Variants in ANKRD30A observed in about 807,000 individuals in gnomAD.
ANKRD30A encodes ankyrin repeat domain-containing protein 30A.
ANKRD30A carries 170 observed loss-of-function variants against 166.3 expected under a neutral mutation model. The observed-to-expected ratio is 1.02, with a 90% CI of 0.90 to 1.16. ANKRD30A has a LOEUF of 1.16. ANKRD30A is among the 50% of genes most tolerant of loss of function. The pLI is 0.00. For missense variants in ANKRD30A, 1,630 were observed against 1,518.0 expected, an observed-to-expected ratio of 1.07 and a Z score of -1.23; for synonymous variants, 564 against 508.9, an observed-to-expected ratio of 1.11 and a Z score of -1.46.
intron 6 of ANKRD30A, among the ~76,000 whole-genome samples, chr10:37,140,497 A>G (rs1837022887): frequency 6.6e-6 from 1 of 152,198 alleles, no homozygotes; most frequent in Non-Finnish European, 1.5e-5. Context: ...GTTATGTTAC[A>G]TAGTCTTGTA....
At chr10:37,200,262 A>G (rs192387850) in intron 30 of ANKRD30A, among the ~76,000 whole-genome samples, 1 of 152,216 alleles carries the variant, frequency 6.6e-6, no homozygotes, top group East Asian at 1.9e-4. Context: ...TGTTCAGTAT[A>G]GATCTGAAGG....
chr10:37,159,375 G>A (rs538602836), intron 15 of ANKRD30A, among the ~76,000 whole-genome samples: 9 of 152,190 alleles, frequency 5.9e-5, no homozygotes, highest in Non-Finnish European at 1.0e-4. Flanking sequence ...AAAAATAGCC[G>A]GTTGTGATGG....
rs188527341 is a variant in ANKRD30A at position 37,157,293 on chromosome 10, G to C, written c.1799-1099G>C. On this transcript the variant is annotated intron_variant, in intron 13 of 35. Transcript: ENST00000361713. ...CCTTGAACACTAAAACTGTTATTTT[G>C]AATAAGCATTATTGTAACATTGAAA... Among the ~76,000 whole-genome samples, 851 of 152,270 alleles carry C rather than the reference G, an allele frequency of 5.6e-3. 11 individuals carry two copies. The highest frequency in any genetic ancestry group is 0.02 in the African/African-American group (817 of 41,566).
chr10:37,216,450 G>T, intron 32 of ANKRD30A, 56 bp downstream of exon 32: 1 of 1,475,844 alleles, frequency 6.8e-7, no homozygotes, highest in Middle Eastern at 2.4e-4. Flanking sequence ...AAACTACGTA[G>T]GATACTTTTT....
chr10:37,152,664 C>G (rs564861665), intron 12 of ANKRD30A, among the ~76,000 whole-genome samples: 22 of 152,032 alleles, frequency 1.4e-4, no homozygotes, highest in Non-Finnish European at 2.8e-4. Context: ...AGTATAATAA[C>G]AAGAGTATTG....
chr10:37,158,457 A>G lies in ANKRD30A; in HGVS notation c.1827+37A>G, dbSNP rs369540872. ...TATATTTTTGTCTTGAGTATCAACT[A>G]CATATTTTATGAAGTATACATTGTA... On this transcript the variant is annotated intron_variant, in intron 14 of 35. Transcript: ENST00000361713. 693 of 1,611,964 alleles carry G rather than the reference A, an allele frequency of 4.3e-4. 2 individuals carry two copies. The highest frequency in any genetic ancestry group is 1.3e-3 in the Admixed American group (80 of 59,934).
chr10:37,133,370 C>T (rs1836490053), intron 4 of ANKRD30A, among the ~76,000 whole-genome samples: 2 of 152,040 alleles, frequency 1.3e-5, no homozygotes, highest in Non-Finnish European at 1.5e-5. Context: ...TTACTTAATA[C>T]CAAGTATGAT....
intron 33 of ANKRD30A, 130 bp from the exon 34 acceptor site, chr10:37,218,850 T>G (rs1325284689): frequency 6.4e-6 from 4 of 620,408 alleles, no homozygotes; most frequent in Non-Finnish European, 1.1e-5. Context: ...GATTCAGTGG[T>G]TCTTCAACTG....
chr10:37,190,714 A>G (rs1376288115), intron 25 of ANKRD30A, among the ~76,000 whole-genome samples: 15 of 151,824 alleles, frequency 9.9e-5, no homozygotes, highest in South Asian at 4.2e-4. Context: ...GCAGAGTGCT[A>G]GAGTGTGGGT....
At chr10:37,251,772 T>G in the ANKRD30A span, among the ~76,000 whole-genome samples, 11 of 152,172 alleles carry the variant, frequency 7.2e-5, no homozygotes, top group African/African-American at 2.7e-4. Context: ...GAATTTCACT[T>G]TGCTTATTTT....
At chr10:37,138,230 G>A (rs374977597) in intron 6 of ANKRD30A, among the ~76,000 whole-genome samples, 3 of 152,158 alleles carry the variant, frequency 2.0e-5, no homozygotes, top group South Asian at 2.1e-4. Flanking sequence ...CCATCTGTAC[G>A]TCACCATCAT....
intron 27 of ANKRD30A, among the ~76,000 whole-genome samples, chr10:37,196,094 T>TTTA (rs1554823851): frequency 4.7e-4 from 15 of 31,848 alleles, no homozygotes; most frequent in Non-Finnish European, 6.3e-4. Flanking sequence ...ATATTTTCTA[T>TTTA]TTTTTTTTTT....
In ANKRD30A at chr10:37,216,203, C is replaced by G; in HGVS notation, c.2892C>G (p.Ile964Met). Residue 964 changes from isoleucine to methionine, a missense_variant, in exon 32 of 36, where the codon ATC becomes ATG. Ile to Met is a conservative substitution (Grantham distance 10, BLOSUM62 1). Around this residue, in one of 4 missense-constraint regions of ANKRD30A, gnomAD observed 712 missense variants for 629.3 expected, o/e 1.13. Coordinates refer to ENST00000361713, the MANE Select transcript of ANKRD30A (RefSeq NM_052997.3). ...KLEDSTSLSK[I>M]LDTVHSCERA... ...CAGATTCAACTAGCCTATCAAAAAT[C>G]TTGGATACAGTTCATTCTTGTGAAA... is the stretch of plus-strand genomic sequence containing the variant. 1.2e-6 allele frequency: 2 copies of G among 1,602,580 alleles called. No homozygotes were observed. The highest frequency in any genetic ancestry group is 1.7e-6 in the Non-Finnish European group (2 of 1,172,372).
intron 30 of ANKRD30A, 65 bp downstream of exon 30, chr10:37,199,853 G>A (rs546017407): frequency 2.0e-6 from 2 of 1,011,200 alleles, no homozygotes; most frequent in African/African-American, 1.7e-5. Flanking sequence ...AAAATCAGAT[G>A]CTTAGACTTT....
At chr10:37,127,171 A>C (rs538076071) in intron 1 of ANKRD30A, among the ~76,000 whole-genome samples, 115 of 151,898 alleles carry the variant, frequency 7.6e-4, no homozygotes, top group African/African-American at 2.4e-3. Context: ...TATATGTAAG[A>C]ATTTAGAACT....
At chr10:37,147,833 G>T (rs1837617554) in intron 9 of ANKRD30A, among the ~76,000 whole-genome samples, 1 of 150,822 alleles carries the variant, frequency 6.6e-6, no homozygotes, top group Non-Finnish European at 1.5e-5. Flanking sequence ...TTTTAGAAAA[G>T]ATAGACCATG....
intron 4 of ANKRD30A, 111 bp downstream of exon 4, chr10:37,132,457 A>C: frequency 1.6e-6 from 1 of 622,696 alleles, no homozygotes; most frequent in Admixed American, 3.6e-5. Flanking sequence ...ATTATGTGAA[A>C]ATATCAATAC....
At chr10:37,165,201 T>C (rs368557508) in intron 18 of ANKRD30A, 46 bp downstream of exon 18, 19 of 1,517,890 alleles carry the variant, frequency 1.3e-5, no homozygotes, top group Non-Finnish European at 1.7e-5. Context: ...TTGCATGATA[T>C]GAAAACATAA....
chr10:37,165,709 T>C (rs893945162), intron 18 of ANKRD30A, among the ~76,000 whole-genome samples: 2 of 152,162 alleles, frequency 1.3e-5, no homozygotes, highest in African/African-American at 4.8e-5. Flanking sequence ...AGAGTATTGG[T>C]TGAGTAGTCT....
Sources: allele counts gnomAD v4.1 joint callset (sites outside exome capture counted in the v4.1 genomes callset), GRCh38; gene constraint gnomAD v4.1.1; regional missense constraint gnomAD v4.1.1; transcripts MANE v1.5; gene names NCBI Gene and HGNC (gene_info 2026-07-23, HGNC 2026-07-21).